Variants in GALNS observed in about 807,000 individuals in gnomAD.
GALNS encodes N-acetylgalactosamine-6-sulfatase.
A neutral mutation model predicts 65.9 loss-of-function variants in GALNS; 65 were observed. The ratio of observed to expected loss-of-function variants is 0.99; its 90% confidence interval spans 0.81 to 1.21. GALNS has a LOEUF of 1.21. GALNS is among the 50% of genes most tolerant of loss of function. The pLI is 0.00. For missense variants in GALNS, 776 were observed against 700.7 expected, an observed-to-expected ratio of 1.11 and a Z score of -1.21; for synonymous variants, 346 against 288.9, an observed-to-expected ratio of 1.20 and a Z score of -2.00.
intron 13 of GALNS, chr16:88,816,136 C>A (rs899062690): frequency 4.1e-6 from 4 of 985,346 alleles, no homozygotes; most frequent in Non-Finnish European, 3.6e-6. Context: ...ACTTTTCCCC[C>A]TGCAGAGAGC....
At position 88,835,242 on chromosome 16, in the gene GALNS, C is replaced by T. The variant is rs1214775986; in HGVS notation, c.869G>A (p.Gly290Asp). 6.2e-7 allele frequency: 1 copy of T among 1,601,570 alleles called. No individual in the cohort carries two copies. Among genetic ancestry groups the T allele is most frequent in the Non-Finnish European group, 8.5e-7 (1 of 1,173,422 alleles). The change falls in exon 8 of 14, where the codon GGC becomes GAC. Residue 290 changes from glycine (G) to aspartate (D), a missense_variant. Transcript: ENST00000268695. ...NTFVFFTSDN[G>D]AALISAPEQG... Reference sequence around the variant, plus strand: ...TTCGGGGGCGGAAATGAGGGCAGCGCCGTTGTCCGACGTGAAGAAGACGAA... The same window carrying T: ...TTCGGGGGCGGAAATGAGGGCAGCGTCGTTGTCCGACGTGAAGAAGACGAA...
At chr16:88,830,801 C>G (rs1227761842) in intron 9 of GALNS, among the ~76,000 whole-genome samples, 1 of 152,170 alleles carries the variant, frequency 6.6e-6, no homozygotes, top group African/African-American at 2.4e-5. Context: ...ATGCGGCAGA[C>G]AGACACCAAC....
intron 1 of GALNS, among the ~76,000 whole-genome samples, chr16:88,847,215 C>T (rs541113693): frequency 1.3e-5 from 2 of 151,896 alleles, no homozygotes. Flanking sequence ...TATAAAAAAT[C>T]AAAAAATCAG....
rs115259713 is a variant in GALNS, at chr16:88,854,686, G to A, written c.120+2072C>T. On this transcript the variant is annotated intron_variant, in intron 1 of 13. Transcript: ENST00000268695. Reference sequence around the variant, plus strand: ...TGCAGGGGTGACTTGGAGTCACCTAGGACCATCACAGGCTGAGTGAGGATG... The same window carrying A: ...TGCAGGGGTGACTTGGAGTCACCTAAGACCATCACAGGCTGAGTGAGGATG... Among the ~76,000 whole-genome samples the A allele has an allele frequency of 2.3e-3, 347 of 152,350 alleles. 1 individual carries two copies. The highest frequency in any genetic ancestry group is 0.01 in the Middle Eastern group (3 of 294).
chr16:88,825,179 GGGGTGACTGGGTGTCTA>G (rs1156885201), intron 10 of GALNS, among the ~76,000 whole-genome samples: 2 of 138,762 alleles, frequency 1.4e-5, no homozygotes, highest in Admixed American at 7.1e-5. Context: ...GGCCGGGGCT[GGGGTGACTGGGTGTCTA>G]GGGTGCCTGG....
intron 12 of GALNS, 100 bp downstream of exon 12, chr16:88,822,489 C>T (rs530313326): frequency 1.2e-5 from 18 of 1,490,738 alleles, no homozygotes; most frequent in East Asian, 2.3e-5. Flanking sequence ...CAAGGGGAGG[C>T]GGCGGGCAGG....
chr16:88,815,625 C>G, intron 13 of GALNS: 1 of 985,490 alleles, frequency 1.0e-6, no homozygotes, highest in Non-Finnish European at 1.2e-6. Flanking sequence ...ATCCAGGCCA[C>G]TTCTGTGCCA....
At chr16:88,836,926 G>A (rs1912200220) in intron 5 of GALNS, among the ~76,000 whole-genome samples, 1 of 152,206 alleles carries the variant, frequency 6.6e-6, no homozygotes, top group Admixed American at 6.5e-5. Context: ...TACAGTGCTG[G>A]TTGTCCCAGC....
intron 1 of GALNS, among the ~76,000 whole-genome samples, chr16:88,850,560 C>T (rs1376839498): frequency 2.0e-5 from 3 of 152,116 alleles, no homozygotes; most frequent in Non-Finnish European, 2.9e-5. Context: ...CAGAAGATAC[C>T]GCAAGGGAGC....
intron 1 of GALNS, among the ~76,000 whole-genome samples, chr16:88,851,095 G>A (rs1394978198): frequency 6.6e-6 from 1 of 152,198 alleles, no homozygotes; most frequent in African/African-American, 2.4e-5. Flanking sequence ...TTATTTATCG[G>A]CGCCTTTCTT....
intron 1 of GALNS, among the ~76,000 whole-genome samples, chr16:88,851,108 C>A (rs1015323635): frequency 1.3e-5 from 2 of 152,288 alleles, no homozygotes; most frequent in African/African-American, 2.4e-5. Flanking sequence ...CCTTTCTTGG[C>A]TATGAAAAGC....
chr16:88,814,643 G>A (rs1909445129), intron 13 of GALNS, 118 bp from the exon 14 acceptor site: 5 of 1,501,432 alleles, frequency 3.3e-6, no homozygotes, highest in East Asian at 2.5e-5. Context: ...ACCCAGGCTG[G>A]AGTTCAGTGG....
intron 1 of GALNS, chr16:88,843,064 G>T (rs775572197): frequency 6.6e-7 from 1 of 1,516,494 alleles, no homozygotes; most frequent in Non-Finnish European, 8.8e-7. Context: ...CGATGGGGCC[G>T]CTCCACGGTC....
intron 13 of GALNS, chr16:88,816,433 A>T: frequency 1.0e-6 from 1 of 985,388 alleles, no homozygotes; most frequent in Non-Finnish European, 1.2e-6. Flanking sequence ...TCCACCACTG[A>T]GTCCAGAGGC....
At position 88,832,086 on chromosome 16, in the gene GALNS, G is replaced by A. The variant is rs765371633; in HGVS notation, c.914C>T (p.Pro305Leu). 6.2e-7 allele frequency: 1 copy of A among 1,613,826 alleles called. No individual in the cohort carries two copies. The highest frequency in any genetic ancestry group is 1.1e-5 in the South Asian group (1 of 91,080). The change falls in exon 9 of 14, where the codon CCC (proline) becomes CTC (leucine). Residue 305 changes from proline (P) to leucine (L), a missense_variant. Pro to Leu is a moderately conservative substitution (Grantham distance 98). Coordinates refer to ENST00000268695, the MANE Select transcript of GALNS (RefSeq NM_000512.5). ...SAPEQGGSNG[P>L]FLCGKQTTFE... Reference sequence around the variant, plus strand: ...CGTGGTCTGCTTCCCACACAGAAAGGGGCCGTTGCTGCCACCTGGGAGAGA... The same window carrying A: ...CGTGGTCTGCTTCCCACACAGAAAGAGGCCGTTGCTGCCACCTGGGAGAGA...
chr16:88,826,298 CA>C (rs1324244584), intron 10 of GALNS, among the ~76,000 whole-genome samples: 13 of 139,084 alleles, frequency 9.3e-5, no homozygotes, highest in African/African-American at 3.0e-4. Context: ...GTGGGGCGGA[CA>C]GGGGCGGCGT....
chr16:88,830,041 G>A (rs776061499), intron 9 of GALNS, among the ~76,000 whole-genome samples: 1 of 152,048 alleles, frequency 6.6e-6, no homozygotes, highest in African/African-American at 2.4e-5. Context: ...GACCATACTG[G>A]CCAACATAGT....
At chr16:88,837,022 G>T (rs1912210095) in intron 5 of GALNS, among the ~76,000 whole-genome samples, 1 of 152,248 alleles carries the variant, frequency 6.6e-6, no homozygotes. Flanking sequence ...GCTCTATCTA[G>T]AAAGAGGCAG....
chr16:88,835,138 G>A, intron 8 of GALNS, 75 bp downstream of exon 8: 1 of 1,537,432 alleles, frequency 6.5e-7, no homozygotes, highest in Non-Finnish European at 8.8e-7. Flanking sequence ...GACCCCGTGG[G>A]CACAGCCGGT....
Sources: gnomAD v4.1 joint callset for allele counts (sites outside exome capture counted in the v4.1 genomes callset) on GRCh38, gnomAD v4.1.1 for gene constraint, MANE v1.5 for transcripts, NCBI Gene and HGNC (gene_info 2026-07-23, HGNC 2026-07-21) for gene names.